The following G6PD variants were observed in gnomAD, a reference collection of about 807,000 sequenced individuals.
G6PD encodes glucose-6-phosphate 1-dehydrogenase.
G6PD carries 2 observed loss-of-function variants against 38.2 expected under a neutral mutation model. That is an observed-to-expected ratio of 0.05 (90% CI 0.02 to 0.16). The LOEUF is 0.16. Among genes scored for constraint, G6PD ranks in the 10% least tolerant of loss-of-function variants. The pLI is 1.00. For synonymous variants in G6PD, 188 were observed against 196.0 expected, an observed-to-expected ratio of 0.96 and a Z score of 0.34; for missense variants, 310 against 471.6, an observed-to-expected ratio of 0.66 and a Z score of 3.17.
chrX:154,547,357 C>G (rs934789079), upstream of G6PD: 84 of 754,414 alleles, frequency 1.1e-4, no homozygotes, highest in Non-Finnish European at 1.3e-4. Flanking sequence ...GATTCCTCCC[C>G]CGGAGAGGGC....
chrX:154,546,064 G>A lies in G6PD; in HGVS notation c.92C>T (p.Thr31Ile), dbSNP rs1391965433. ...FQGDAFHQSD[T>I]HIFIIMGASG... ...TGCACCCATGATGATGAATATGTGT[G>A]TATCCGACTGATGGAAGGCATCGCC... Residue 31 changes from threonine to isoleucine, a missense_variant, in exon 2 of 13, where the codon ACA (threonine) becomes ATA (isoleucine). Thr to Ile is a moderately conservative substitution (Grantham distance 89). This residue lies in a region of G6PD where 29 missense variants were observed against 28.2 expected (regional missense o/e 1.03). Transcript: ENST00000393562. 8 of 1,209,538 alleles carry A rather than the reference G, an allele frequency of 6.6e-6. No individual in the cohort carries two copies. The highest frequency in any genetic ancestry group is 8.9e-6 in the Non-Finnish European group (8 of 895,061).
At chrX:154,547,039 C>T (rs1206579461), upstream of G6PD, 7 of 186,002 alleles carry the variant, frequency 3.8e-5, no homozygotes, top group East Asian at 1.1e-4. Flanking sequence ...CGCTGGAGGC[C>T]GGCCCGCCGG....
chrX:154,535,406 G>C (rs2070396486), intron 4 of G6PD, 21 bp from the exon 5 acceptor site: 1 of 1,158,604 alleles, frequency 8.6e-7, no homozygotes, highest in Non-Finnish European at 1.2e-6. Flanking sequence ...CGGACAGACA[G>C]ACACACAGAC....
rs782352247 is a variant in G6PD at position 154,534,541 on chromosome X, G to A, written c.486-45C>T. The A allele has an allele frequency of 1.0e-5, 12 of 1,198,649 alleles. No individual in the cohort carries two copies. In the Admixed American group the frequency reaches 2.0e-4, roughly 20 times the overall value. Reference sequence around the variant, plus strand: ...GCGTTACCCCCTTGAACCCCTCTTCGGGGAGTGAGGATCAGAGCTGCATCA... The same window carrying A: ...GCGTTACCCCCTTGAACCCCTCTTCAGGGAGTGAGGATCAGAGCTGCATCA... On this transcript the variant is annotated intron_variant, in intron 5 of 12. Transcript: ENST00000393562.
Position 154,533,561 on chromosome X carries a change from G to C in G6PD, c.864+15C>G. ...CGACAGGGCATGCTCCTGGGGACTG[G>C]GGTGCACCCCCTACCTTCTCATCAC... On this transcript the variant is annotated intron_variant, in intron 8 of 12. Coordinates refer to ENST00000393562, the MANE Select transcript of G6PD (RefSeq NM_001360016.2). 1 of 1,211,289 alleles carries C rather than the reference G, an allele frequency of 8.3e-7. No individual in the cohort carries two copies. Among genetic ancestry groups the C allele is most frequent in the Non-Finnish European group, 1.1e-6 (1 of 894,779 alleles).
chrX:154,544,930 T>C (rs1163566129), intron 2 of G6PD, among the ~76,000 whole-genome samples: 2 of 112,593 alleles, frequency 1.8e-5, no homozygotes, highest in Non-Finnish European at 3.8e-5. Flanking sequence ...CTAGTTTTGA[T>C]AGAGCTCCTG....
At chrX:154,536,245 C>T (rs2148332167) in intron 2 of G6PD, 67 bp from the exon 3 acceptor site, 1 of 1,059,727 alleles carries the variant, frequency 9.4e-7, no homozygotes, top group Non-Finnish European at 1.3e-6. Context: ...CATCATCCTC[C>T]ACCCTTGGTG....
intron 2 of G6PD, among the ~76,000 whole-genome samples, chrX:154,538,842 G>A (rs2070440734): frequency 9.2e-6 from 1 of 109,203 alleles, no homozygotes; most frequent in Admixed American, 9.9e-5. Context: ...CAGGAGAATC[G>A]CTTGAACCAG....
Position 154,531,914 on chromosome X carries a change from T to C in G6PD, c.*86A>G. 8.8e-7 allele frequency: 1 copy of C among 1,133,381 alleles called. No homozygotes were observed. 93.4% of individuals were successfully genotyped at this position (1,133,381 alleles called of 1,213,427 possible). On this transcript the variant is annotated 3_prime_UTR_variant, in exon 13 of 13. Transcript: ENST00000393562. ...CGGGGCCAGGAATGTGCAGCTGAGG[T>C]CAATGGTCCCGGAGTCCTCCCGACT...
rs2070342362 is a variant in G6PD at position 154,532,012 on chromosome X, G to A, written c.1536C>T (p.Pro512=). 5 of 1,209,955 alleles carry A rather than the reference G, an allele frequency of 4.1e-6. No individual in the cohort carries two copies. In the East Asian group the frequency reaches 1.5e-4, roughly 36 times the overall value. ...QYEGTYKWVN[P]HKL ...GGGTGCCCAGGGCTCAGAGCTTGTG[G>A]GGGTTCACCCACTTGTAGGTGCCCT... Residue 512 remains proline (P), a synonymous_variant, in exon 13 of 13, where the codon CCC becomes CCT. Transcript: ENST00000393562.
intron 2 of G6PD, chrX:154,542,350 C>T (rs1312509919): frequency 1.7e-6 from 2 of 1,202,470 alleles, no homozygotes; most frequent in African/African-American, 1.8e-5. Context: ...TCCCCTCACT[C>T]CCTGTGAAGC....
upstream of G6PD, chrX:154,546,879 C>T (rs1557233604): frequency 1.4e-5 from 14 of 1,024,582 alleles, no homozygotes; most frequent in Non-Finnish European, 1.8e-5. Flanking sequence ...ATTTAATCGG[C>T]GGGGGCGGGG....
chrX:154,535,320 C>T lies in G6PD; in HGVS notation c.333G>A (p.Gln111=), dbSNP rs782572765. The change falls in exon 5 of 13, where the codon CAG becomes CAA. Residue 111 remains glutamine, a synonymous_variant. Coordinates refer to ENST00000393562, the MANE Select transcript of G6PD (RefSeq NM_001360016.2). ...GCTGGTAGGAGGCTGCATCATCGTA[C>T]TGGCCAGCCACATAGGAGTTGCGGG... ...FFARNSYVAG[Q]YDDAASYQRL... is the part of the protein sequence containing the mutation. 7 of 1,212,252 alleles carry T rather than the reference C, an allele frequency of 5.8e-6. No homozygotes were observed. Among genetic ancestry groups the T allele is most frequent in the Non-Finnish European group, 7.8e-6 (7 of 895,558 alleles).
chrX:154,537,198 G>A (rs1244979507), intron 2 of G6PD, among the ~76,000 whole-genome samples: 2 of 111,172 alleles, frequency 1.8e-5, no homozygotes, highest in East Asian at 2.9e-4. Flanking sequence ...CCAGCTACTC[G>A]GAAGGCTGAG....
chrX:154,543,182 G>A (rs1173290369), intron 2 of G6PD, among the ~76,000 whole-genome samples: 1 of 112,317 alleles, frequency 8.9e-6, no homozygotes. Context: ...TCAGAGAGAG[G>A]ACCCCTTGTC....
intron 2 of G6PD, among the ~76,000 whole-genome samples, chrX:154,539,082 T>C (rs962515242): frequency 2.1e-4 from 23 of 111,148 alleles, no homozygotes; most frequent in African/African-American, 7.2e-4. Flanking sequence ...AAAATGAAAA[T>C]GGCTGAAGTT....
chrX:154,542,483 G>T, intron 2 of G6PD: 1 of 1,154,498 alleles, frequency 8.7e-7, no homozygotes, highest in Non-Finnish European at 1.2e-6. Context: ...TCTGGTAGGG[G>T]TGGGAGTCCT....
At position 154,545,780 on chromosome X, in the gene G6PD, A is replaced by G. The variant is rs781892555; in HGVS notation, c.120+256T>C. On this transcript the variant is annotated intron_variant, in intron 2 of 12. Transcript: ENST00000393562. ...AACCCAGGAGGCCGAGGTTGCAGTG[A>G]GCCAAGATGGCGCCACTGCACCCCA... 15 of 329,850 alleles carry G rather than the reference A, an allele frequency of 4.5e-5. No homozygotes were observed. The South Asian group carries it at 5.6e-4, about 12-fold the overall frequency. The allele number at this position is 329,850 out of a possible 1,213,427, so 27.2% of individuals were successfully genotyped here.
At chrX:154,543,319 G>A (rs1027471664) in intron 2 of G6PD, among the ~76,000 whole-genome samples, 4 of 112,572 alleles carry the variant, frequency 3.6e-5, no homozygotes, top group Admixed American at 2.8e-4. Flanking sequence ...TGCCCAACCC[G>A]AAGCTGGCCA....
Sources: allele counts gnomAD v4.1 joint callset (sites outside exome capture counted in the v4.1 genomes callset), GRCh38; gene constraint gnomAD v4.1.1; regional missense constraint gnomAD v4.1.1; transcripts MANE v1.5; gene names NCBI Gene and HGNC (gene_info 2026-07-23, HGNC 2026-07-21).